Variants in CNTNAP2 observed in about 807,000 individuals in gnomAD.
CNTNAP2 encodes the protein contactin-associated protein-like 2.
In CNTNAP2, 98 loss-of-function variants were observed where a neutral mutation model predicts 155.2. The ratio of observed to expected loss-of-function variants is 0.63; its 90% CI spans 0.54 to 0.75. The LOEUF (loss-of-function observed/expected upper bound fraction) is 0.75, where lower values mean the gene tolerates loss of function less well. Ranked by LOEUF, CNTNAP2 falls within the 30% of genes least tolerant of loss-of-function variation. CNTNAP2 has a pLI of 0.00. For synonymous variants in CNTNAP2, 651 were observed against 631.2 expected (o/e 1.03, Z -0.47); for missense variants, 1,727 against 1,688.1 (o/e 1.02, Z -0.40).
At position 146,951,653 on chromosome 7, in the gene CNTNAP2, A is replaced by G. The variant is rs186367327; in HGVS notation, c.403-92254A>G. On this transcript the variant is annotated intron_variant, in intron 3 of 23. Transcript: ENST00000361727. ...GCATCTGTTTGTTCCATTGGTCTAT[A>G]TGTCTGTTTTGTTACCAGTACCATG... Among the ~76,000 whole-genome samples the G allele has an allele frequency of 5.3e-5, 8 of 152,188 alleles. No individual in the cohort carries two copies. In the East Asian group the frequency reaches 1.5e-3, roughly 29 times the overall value.
chr7:147,916,199 G>A (rs1299752115), intron 14 of CNTNAP2, among the ~76,000 whole-genome samples: 1 of 152,074 alleles, frequency 6.6e-6, no homozygotes, highest in African/African-American at 2.4e-5. Flanking sequence ...TTGGCAATGG[G>A]GAAGGGGAAA....
intron 1 of CNTNAP2, among the ~76,000 whole-genome samples, chr7:146,772,992 T>C (rs1469722640): frequency 1.3e-5 from 2 of 152,166 alleles, no homozygotes; most frequent in African/African-American, 4.8e-5. Flanking sequence ...GGAAGCTGTA[T>C]GTGCCCTATC....
chr7:146,891,295 G>A (rs1247373775), intron 3 of CNTNAP2, among the ~76,000 whole-genome samples: 1 of 152,068 alleles, frequency 6.6e-6, no homozygotes, highest in African/African-American at 2.4e-5. Context: ...TACTTATTGG[G>A]TACTGTGATC....
chr7:146,904,264 CT>C (rs1258165288), intron 3 of CNTNAP2, among the ~76,000 whole-genome samples: 1 of 152,098 alleles, frequency 6.6e-6, no homozygotes, highest in Non-Finnish European at 1.5e-5. Context: ...GCTGTTGCTT[CT>C]CCTTGGACCT....
intron 11 of CNTNAP2, among the ~76,000 whole-genome samples, chr7:147,554,655 A>AG (rs1426794083): frequency 1.3e-5 from 2 of 152,174 alleles, no homozygotes; most frequent in Non-Finnish European, 2.9e-5. Context: ...TAAACCCATT[A>AG]GGGGGCTATA....
chr7:147,510,895 T>A (rs1472980685), intron 11 of CNTNAP2, among the ~76,000 whole-genome samples: 1 of 109,110 alleles, frequency 9.2e-6, no homozygotes, highest in Non-Finnish European at 1.8e-5. Context: ...TATATATACA[T>A]GAGGAAGCTT....
At chr7:147,756,613 G>A (rs1797216704) in intron 13 of CNTNAP2, among the ~76,000 whole-genome samples, 1 of 152,100 alleles carries the variant, frequency 6.6e-6, no homozygotes, top group African/African-American at 2.4e-5. Context: ...GATTTAAAAA[G>A]TAATCCTGAA....
At chr7:146,828,527 A>T (rs1355657932) in intron 2 of CNTNAP2, among the ~76,000 whole-genome samples, 1 of 152,116 alleles carries the variant, frequency 6.6e-6, no homozygotes, top group Non-Finnish European at 1.5e-5. Context: ...AATCCATTCT[A>T]TTGTTGGTAA....
At chr7:146,803,371 T>C (rs1039408058) in intron 2 of CNTNAP2, among the ~76,000 whole-genome samples, 1 of 152,170 alleles carries the variant, frequency 6.6e-6, no homozygotes, top group African/African-American at 2.4e-5. Flanking sequence ...GTAGAAAGCA[T>C]AGTTGCAAGA....
chr7:147,700,059 T>C (rs1016289984), intron 13 of CNTNAP2, among the ~76,000 whole-genome samples: 7 of 152,226 alleles, frequency 4.6e-5, no homozygotes, highest in Non-Finnish European at 1.0e-4. Context: ...ATTTTCCTGC[T>C]TTATTCATAG....
chr7:146,791,811 A>T (rs1802678332), intron 2 of CNTNAP2, among the ~76,000 whole-genome samples: 1 of 152,234 alleles, frequency 6.6e-6, no homozygotes, highest in African/African-American at 2.4e-5. Context: ...GAATGCCAAC[A>T]ATTTAAATTC....
chr7:148,265,746 T>G (rs1290986366), intron 20 of CNTNAP2, among the ~76,000 whole-genome samples: 1 of 152,192 alleles, frequency 6.6e-6, no homozygotes, highest in Non-Finnish European at 1.5e-5. Flanking sequence ...AAATCTAAAA[T>G]GTTCTTGAGA....
chr7:148,112,648 G>A (rs371564135), intron 15 of CNTNAP2, among the ~76,000 whole-genome samples: 1 of 151,924 alleles, frequency 6.6e-6, no homozygotes, highest in East Asian at 1.9e-4. Context: ...TCCCACTTCA[G>A]CCTCCCCAGT....
At chr7:146,819,776 C>A (rs1803240414) in intron 2 of CNTNAP2, among the ~76,000 whole-genome samples, 1 of 152,126 alleles carries the variant, frequency 6.6e-6, no homozygotes, top group Middle Eastern at 3.2e-3. Flanking sequence ...TAACTCACTT[C>A]AAGTTTCTCA....
chr7:146,898,869 A>T (rs112806792), intron 3 of CNTNAP2, among the ~76,000 whole-genome samples: 2 of 151,994 alleles, frequency 1.3e-5, no homozygotes. Context: ...CTGATCTGCC[A>T]CTTTTTTTCT....
chr7:147,078,823 C>T (rs752004305), intron 4 of CNTNAP2, among the ~76,000 whole-genome samples: 54 of 151,316 alleles, frequency 3.6e-4, no homozygotes, highest in Non-Finnish European at 6.9e-4. Flanking sequence ...GATCTCAGTT[C>T]ACTGCAACTT....
chr7:147,911,874 C>T (rs776858326), intron 14 of CNTNAP2, among the ~76,000 whole-genome samples: 14 of 152,082 alleles, frequency 9.2e-5, no homozygotes, highest in Non-Finnish European at 1.6e-4. Flanking sequence ...ACTTTTATTT[C>T]CACATTTTAG....
chr7:148,415,943 G>GTAACAGGGCAAGTTTT lies in CNTNAP2; in HGVS notation c.*328_*343dup, dbSNP rs1799978133. On this transcript the variant is annotated 3_prime_UTR_variant, in exon 24 of 24. Coordinates refer to ENST00000361727, the MANE Select transcript of CNTNAP2 (RefSeq NM_014141.6). ...TTTAGAGGTGTTCTAAAGACCCGTG[G>GTAACAGGGCAAGTTTT]TAACAGGGCAAGTTTTCTACGTTTT... is the stretch of plus-strand genomic sequence containing the variant. The GTAACAGGGCAAGTTTT allele has an allele frequency of 2.9e-6, 1 of 343,536 alleles. No homozygotes were observed. The highest frequency in any genetic ancestry group is 5.4e-5 in the East Asian group (1 of 18,542). The allele number at this position is 343,536 out of a possible 1,614,324, so 21.3% of individuals were successfully genotyped here.
chr7:146,577,453 G>C (rs1004072252), intron 1 of CNTNAP2, among the ~76,000 whole-genome samples: 2 of 152,182 alleles, frequency 1.3e-5, no homozygotes, highest in Non-Finnish European at 1.5e-5. Flanking sequence ...GAACAAAATA[G>C]TGGTAATAAT....
Sources: gnomAD v4.1 joint callset for allele counts (sites outside exome capture counted in the v4.1 genomes callset) on GRCh38, gnomAD v4.1.1 for gene constraint, MANE v1.5 for transcripts, NCBI Gene and HGNC (gene_info 2026-07-23, HGNC 2026-07-21) for gene names.